RALGPS1: variants seen among roughly 807,000 people sequenced by gnomAD.
RALGPS1 encodes Ral GEF with PH domain and SH3 binding motif 1, also known as ras-specific guanine nucleotide-releasing factor RalGPS1.
RALGPS1 carries 19 observed loss-of-function variants against 78.8 expected under a neutral mutation model. The ratio of observed to expected loss-of-function variants is 0.24; its 90% CI spans 0.17 to 0.35. The LOEUF (loss-of-function observed/expected upper bound fraction) is 0.35, where lower values mean the gene tolerates loss of function less well. RALGPS1 is among the 10% of genes least tolerant of loss of function. RALGPS1 has a pLI of 1.00. For synonymous variants in RALGPS1, 228 were observed against 256.3 expected, an observed-to-expected ratio of 0.89 and a Z score of 1.06; for missense variants, 454 against 688.3, an observed-to-expected ratio of 0.66 and a Z score of 3.81.
intron 13 of RALGPS1, among the ~76,000 whole-genome samples, chr9:127,198,308 G>A (rs1221590739): frequency 6.6e-6 from 1 of 152,148 alleles, no homozygotes; most frequent in Admixed American, 6.5e-5. Context: ...CAGCCTTGGT[G>A]CTCTTTCAGG....
chr9:127,158,777 G>A (rs993583657), intron 8 of RALGPS1, among the ~76,000 whole-genome samples: 1 of 147,842 alleles, frequency 6.8e-6, no homozygotes, highest in South Asian at 2.2e-4. Context: ...TCTCTCGGTG[G>A]TTACATGGCC....
At chr9:127,038,080 A>G (rs1053206298) in intron 5 of RALGPS1, among the ~76,000 whole-genome samples, 58 of 152,142 alleles carry the variant, frequency 3.8e-4, no homozygotes, top group African/African-American at 1.4e-3. Flanking sequence ...TTTCTCCCCA[A>G]TCCATTCTGT....
chr9:126,993,445 G>T (rs771910966), intron 4 of RALGPS1, among the ~76,000 whole-genome samples: 35 of 151,364 alleles, frequency 2.3e-4, no homozygotes, highest in Non-Finnish European at 7.4e-5. Context: ...AGAAGAGTTT[G>T]TATAGAATTA....
At chr9:126,966,145 C>G (rs1489128164) in intron 3 of RALGPS1, among the ~76,000 whole-genome samples, 194 bp downstream of exon 3, 3 of 152,086 alleles carry the variant, frequency 2.0e-5, no homozygotes, top group Non-Finnish European at 4.4e-5. Flanking sequence ...AATTAACTAC[C>G]CTGGAAGGCT....
chr9:127,171,055 G>A (rs546138002), intron 10 of RALGPS1, among the ~76,000 whole-genome samples: 17 of 152,352 alleles, frequency 1.1e-4, no homozygotes, highest in African/African-American at 3.8e-4. Context: ...GCATTGCATT[G>A]CTGACATTCT....
At chr9:126,936,296 C>T (rs974173609) in intron 1 of RALGPS1, among the ~76,000 whole-genome samples, 5 of 152,136 alleles carry the variant, frequency 3.3e-5, no homozygotes, top group South Asian at 4.1e-4. Flanking sequence ...GCAGCTGTGG[C>T]GCTTTTGAGG....
chr9:127,218,778 A>C lies in RALGPS1; in HGVS notation c.*9A>C, dbSNP rs1195869404. Reference sequence around the variant, plus strand: ...TTATGTCATTTGAGTAAGTCTCTGCAGGACGTGGCATGACTTCAGAGGCTT... The same window carrying C: ...TTATGTCATTTGAGTAAGTCTCTGCCGGACGTGGCATGACTTCAGAGGCTT... On this transcript the variant is annotated 3_prime_UTR_variant, in exon 19 of 19. Transcript: ENST00000259351. The surrounding 1 kb of genome is among the most constrained non-coding windows in gnomAD (Gnocchi z 4.4). 1 of 1,613,708 alleles carries C rather than the reference A, an allele frequency of 6.2e-7. No homozygotes were observed.
intron 4 of RALGPS1, among the ~76,000 whole-genome samples, chr9:127,008,140 CAA>C (rs5900742): frequency 2.3e-3 from 290 of 124,314 alleles, no homozygotes; most frequent in East Asian, 3.7e-3. Flanking sequence ...GGAGACTGGT[CAA>C]AAAAAAAAAA....
intron 8 of RALGPS1, among the ~76,000 whole-genome samples, chr9:127,097,326 G>A (rs1041756081): frequency 3.3e-5 from 5 of 152,166 alleles, no homozygotes; most frequent in Non-Finnish European, 5.9e-5. Context: ...TAATCGAGTA[G>A]GTATCAAATT....
intron 4 of RALGPS1, 133 bp from the exon 5 acceptor site, chr9:127,034,298 C>T: frequency 5.3e-6 from 4 of 748,946 alleles, no homozygotes; most frequent in Non-Finnish European, 9.4e-6. Context: ...TCTCTTCCAC[C>T]TAGTAAAGAT....
At chr9:127,208,924 C>T (rs191310601) in intron 14 of RALGPS1, among the ~76,000 whole-genome samples, 143 of 152,302 alleles carry the variant, frequency 9.4e-4, no homozygotes, top group African/African-American at 3.3e-3. Context: ...GTGGGAATTC[C>T]GGACAGTCCA....
intron 4 of RALGPS1, among the ~76,000 whole-genome samples, chr9:126,991,707 G>A (rs577651657): frequency 1.4e-4 from 22 of 152,262 alleles, no homozygotes; most frequent in Admixed American, 1.4e-3. Flanking sequence ...TCATCTTTCT[G>A]TGTCTCTGTT....
intron 3 of RALGPS1, among the ~76,000 whole-genome samples, chr9:126,970,608 G>A (rs2040010186): frequency 7.1e-6 from 1 of 140,744 alleles, no homozygotes; most frequent in African/African-American, 2.5e-5. Flanking sequence ...GGCAAAAGAT[G>A]ATCTAAGAGT....
intron 8 of RALGPS1, among the ~76,000 whole-genome samples, chr9:127,162,793 G>A (rs1453421677): frequency 2.0e-5 from 3 of 152,186 alleles, no homozygotes; most frequent in South Asian, 2.1e-4. Flanking sequence ...TTCTCACAGG[G>A]CAGCACAGGG....
At chr9:126,976,313 TCACACACACACACACACA>T (rs33925120) in intron 3 of RALGPS1, among the ~76,000 whole-genome samples, 8 of 150,456 alleles carry the variant, frequency 5.3e-5, no homozygotes, top group South Asian at 2.1e-4. Flanking sequence ...ACACTCATTC[TCACACACACACACACACA>T]CTTTCATATA....
At chr9:127,101,863 A>T (rs2053763034) in intron 8 of RALGPS1, among the ~76,000 whole-genome samples, 1 of 152,208 alleles carries the variant, frequency 6.6e-6, no homozygotes, top group African/African-American at 2.4e-5. Context: ...TGTGTATAGT[A>T]GTTTTGACTT....
At chr9:127,156,104 A>G (rs1191757876) in intron 8 of RALGPS1, among the ~76,000 whole-genome samples, 1 of 152,194 alleles carries the variant, frequency 6.6e-6, no homozygotes, top group African/African-American at 2.4e-5. Flanking sequence ...CATATCATGG[A>G]TATCTTTCCG....
chr9:127,152,353 GTTTA>G (rs1314710597), intron 8 of RALGPS1, among the ~76,000 whole-genome samples: 1 of 152,156 alleles, frequency 6.6e-6, no homozygotes. Flanking sequence ...CAGCTTTGGG[GTTTA>G]TTAATAGGCA....
At chr9:126,981,026 A>T (rs2041200769) in intron 4 of RALGPS1, among the ~76,000 whole-genome samples, 1 of 152,016 alleles carries the variant, frequency 6.6e-6, no homozygotes, top group South Asian at 2.1e-4. Flanking sequence ...GCCACTTCCT[A>T]GCTGGTCATT....
Sources: allele counts gnomAD v4.1 joint callset (sites outside exome capture counted in the v4.1 genomes callset), GRCh38; gene constraint gnomAD v4.1.1; non-coding constraint Gnocchi (gnomAD v3.1); transcripts MANE v1.5; gene names NCBI Gene and HGNC (gene_info 2026-07-23, HGNC 2026-07-21).